GAL3ST4: variants seen among roughly 807,000 people sequenced by gnomAD.
The protein encoded by GAL3ST4 is galactose-3-O-sulfotransferase 4.
In GAL3ST4, 30 loss-of-function variants were observed where a neutral mutation model predicts 31.6. The ratio of observed to expected loss-of-function variants is 0.95; its 90% CI spans 0.71 to 1.29. The LOEUF (loss-of-function observed/expected upper bound fraction) is 1.29. Ranked by LOEUF, GAL3ST4 falls within the 50% of genes most tolerant of loss-of-function variation. The pLI, the probability that GAL3ST4 is intolerant of heterozygous loss-of-function variation, is 0.00. For missense variants in GAL3ST4, 629 were observed against 625.2 expected, an observed-to-expected ratio of 1.01 and a Z score of -0.06; for synonymous variants, 248 against 256.9, an observed-to-expected ratio of 0.97 and a Z score of 0.33.
chr7:100,160,358 C>A lies in GAL3ST4; in HGVS notation c.1031G>T (p.Ser344Ile). 1.2e-6 allele frequency: 2 copies of A among 1,614,108 alleles called. No individual in the cohort carries two copies. The highest frequency in any genetic ancestry group is 4.5e-5 in the East Asian group (2 of 44,886). ...GTCCTCCGCAGTCAGTCCACTGTTG[C>A]TGACAGTGCTGAGGCCCTGCTTATG... ...AGHKQGLSTV[S>I]NSGLTAEDRQ... The change falls in exon 4 of 4, where the codon AGC becomes ATC. Residue 344 changes from serine (S) to isoleucine (I), a missense_variant. Transcript: ENST00000360039.
rs982798022 is a variant in GAL3ST4 at position 100,167,307 on chromosome 7, G to A, written c.-188-24C>T. On this transcript the variant is annotated intron_variant, in intron 1 of 3. Coordinates refer to ENST00000360039, the MANE Select transcript of GAL3ST4 (RefSeq NM_024637.5). The stretch of plus-strand genomic sequence containing the variant: ...GTCTAGAAGGGAAATGAGGGGGGAA[G>A]AAGGGAAGTCTAAGGAGAGAGGCAG... 13 of 1,241,278 alleles carry A rather than the reference G, an allele frequency of 1.0e-5. No homozygotes were observed. The African/African-American group carries it at 1.2e-4, about 12-fold the overall frequency. 76.9% of individuals were successfully genotyped at this position (1,241,278 alleles called of 1,614,324 possible). A position where few individuals can be genotyped will look rare whatever the true frequency, so the allele number is the denominator to read the frequency against.
chr7:100,163,850 A>G (rs1443070862), intron 3 of GAL3ST4, among the ~76,000 whole-genome samples: 1 of 152,162 alleles, frequency 6.6e-6, no homozygotes, highest in African/African-American at 2.4e-5. Context: ...GTCTCTTTGA[A>G]GGCAGAGGGG....
chr7:100,167,227 TCA>T lies in GAL3ST4; in HGVS notation c.-134_-133del. The T allele has an allele frequency of 6.5e-7, 1 of 1,527,886 alleles. No homozygotes were observed. Among genetic ancestry groups the T allele is most frequent in the South Asian group, 1.2e-5 (1 of 80,580 alleles). The allele number at this position is 1,527,886 out of a possible 1,614,324, so 94.6% of individuals were successfully genotyped here. The stretch of plus-strand genomic sequence containing the variant: ...TCGGGGGGTCATTCCCCAGGCCTGC[TCA>T]CAGTCTTGGTTGAGTCTGCCCCCTG... On this transcript the variant is annotated 5_prime_UTR_variant, in exon 2 of 4. Transcript: ENST00000360039.
At chr7:100,165,821 A>T (rs564286113) in intron 3 of GAL3ST4, among the ~76,000 whole-genome samples, 47 of 139,506 alleles carry the variant, frequency 3.4e-4, no homozygotes, top group Non-Finnish European at 3.0e-4. Flanking sequence ...ACCCTGTCTC[A>T]CACACACACA....
Position 100,168,007 on chromosome 7 carries a change from C to CAG in GAL3ST4, c.-189+538_-189+539insCT, listed in dbSNP as rs1215763842. 1.5e-5 allele frequency: 2 copies of CAG among 135,784 alleles called. No individual in the cohort carries two copies. The highest frequency in any genetic ancestry group is 3.1e-5 in the Non-Finnish European group (2 of 64,224). 8.4% of individuals were successfully genotyped at this position (135,784 alleles called of 1,614,324 possible). A position where few individuals can be genotyped will look rare whatever the true frequency, so the allele number is the denominator to read the frequency against. Reference sequence around the variant, plus strand: ...AGAGGGAGACAGAAAGAGAGAGAGACACACACACACACACACACACACACA... The same window carrying CAG: ...AGAGGGAGACAGAAAGAGAGAGAGACAGACACACACACACACACACACACACA... On this transcript the variant is annotated intron_variant, in intron 1 of 3. Coordinates refer to ENST00000360039, the MANE Select transcript of GAL3ST4 (RefSeq NM_024637.5). The surrounding 1 kb of genome is among the most constrained non-coding windows in gnomAD (Gnocchi z 4.1).
rs1799089189 is a variant in GAL3ST4 at position 100,167,191 on chromosome 7, C to A, written c.-96G>T. On this transcript the variant is annotated 5_prime_UTR_variant, in exon 2 of 4. Coordinates refer to ENST00000360039, the MANE Select transcript of GAL3ST4 (RefSeq NM_024637.5). ...GACAGCCGTGCAGCTGCGGAAGGCA[C>A]TGGTTGGAGATCGGGGGGTCATTCC... 4 of 1,548,252 alleles carry A rather than the reference C, an allele frequency of 2.6e-6. No homozygotes were observed. The highest frequency in any genetic ancestry group is 3.5e-6 in the Non-Finnish European group (4 of 1,145,520).
At chr7:100,162,938 A>T (rs1420792137) in intron 3 of GAL3ST4, among the ~76,000 whole-genome samples, 1 of 152,162 alleles carries the variant, frequency 6.6e-6, no homozygotes, top group African/African-American at 2.4e-5. Flanking sequence ...GGAGGATAGG[A>T]AACTCCTGGA....
Position 100,166,448 on chromosome 7 carries a change from G to A in GAL3ST4, c.429+54C>T, listed in dbSNP as rs570328349. 850 of 1,539,424 alleles carry A rather than the reference G, an allele frequency of 5.5e-4. 4 individuals are homozygous for A. In the African/African-American group the frequency reaches 8.4e-3, roughly 15 times the overall value. On this transcript the variant is annotated intron_variant, in intron 3 of 3. Transcript: ENST00000360039. ...GGTCTGGGCCCCCTCCCTTGGTGGT[G>A]TCAGCCTGAGCCCATCTGTTTCTGG... is the stretch of plus-strand genomic sequence containing the variant.
At position 100,167,198 on chromosome 7, in the gene GAL3ST4, G is replaced by T; in HGVS notation, c.-103C>A. The T allele has an allele frequency of 6.5e-7, 1 of 1,546,732 alleles. No individual in the cohort carries two copies. Among genetic ancestry groups the T allele is most frequent in the South Asian group, 1.2e-5 (1 of 83,510 alleles). On this transcript the variant is annotated 5_prime_UTR_variant, in exon 2 of 4. Coordinates refer to ENST00000360039, the MANE Select transcript of GAL3ST4 (RefSeq NM_024637.5). ...GTGCAGCTGCGGAAGGCACTGGTTG[G>T]AGATCGGGGGGTCATTCCCCAGGCC... is the stretch of plus-strand genomic sequence containing the variant.
chr7:100,160,407 A>G lies in GAL3ST4; in HGVS notation c.982T>C (p.Phe328Leu). The part of the protein sequence containing the change: ...LCWGLDDVVG[F>L]MHNAQAGHKQ... ...TGTCCAGCCTGGGCATTGTGCATGA[A>G]GCCCACCACGTCATCTAGACCCCAG... The change falls in exon 4 of 4, where the codon TTC becomes CTC. Residue 328 changes from phenylalanine (F) to leucine (L), a missense_variant. Coordinates refer to ENST00000360039, the MANE Select transcript of GAL3ST4 (RefSeq NM_024637.5). 6.2e-7 allele frequency: 1 copy of G among 1,614,084 alleles called. No homozygotes were observed. The highest frequency in any genetic ancestry group is 8.5e-7 in the Non-Finnish European group (1 of 1,180,032).
chr7:100,164,907 C>T (rs1450244778), intron 3 of GAL3ST4, among the ~76,000 whole-genome samples: 2 of 147,604 alleles, frequency 1.4e-5, no homozygotes, highest in Non-Finnish European at 3.0e-5. Context: ...CAGAGTCTCA[C>T]TGTGTCACCC....
chr7:100,160,265 C>T lies in GAL3ST4; in HGVS notation c.1124G>A (p.Arg375His), dbSNP rs140660995. ...TTTCTCTATCCGTGCCCAGAGACTGCGGTTGAAGTGGACATAGAGAGCCCA... is the reference window on the plus strand; with the variant it reads ...TTTCTCTATCCGTGCCCAGAGACTGTGGTTGAAGTGGACATAGAGAGCCCA... ...LDWALYVHFN[R>H]SLWARIEKYG... Residue 375 changes from arginine (R) to histidine (H), a missense_variant, in exon 4 of 4, where the codon CGC (arginine) becomes CAC (histidine). Transcript: ENST00000360039. 21 of 1,613,844 alleles carry T rather than the reference C, an allele frequency of 1.3e-5. No individual in the cohort carries two copies. Among genetic ancestry groups the T allele is most frequent in the African/African-American group, 8.0e-5 (6 of 74,938 alleles).
intron 3 of GAL3ST4, among the ~76,000 whole-genome samples, chr7:100,161,313 A>C (rs1045864835): frequency 3.3e-4 from 50 of 151,834 alleles, no homozygotes; most frequent in African/African-American, 1.1e-3. Flanking sequence ...TATGTTGCCG[A>C]GGCCAGCCTG....
At chr7:100,161,020 T>C (rs1798996442) in intron 3 of GAL3ST4, 61 bp from the exon 4 acceptor site, 4 of 1,415,440 alleles carry the variant, frequency 2.8e-6, no homozygotes, top group Non-Finnish European at 3.8e-6. Flanking sequence ...TGCATAAGTA[T>C]GCACAAGCCA....
chr7:100,165,804 G>A (rs1799061674), intron 3 of GAL3ST4, among the ~76,000 whole-genome samples: 1 of 121,686 alleles, frequency 8.2e-6, no homozygotes, highest in South Asian at 2.8e-4. Context: ...CTGGATGACA[G>A]AATGAGACCC....
Position 100,167,193 on chromosome 7 carries a change from G to C in GAL3ST4, c.-98C>G. 6.5e-7 allele frequency: 1 copy of C among 1,547,960 alleles called. No homozygotes were observed. ...CAGCCGTGCAGCTGCGGAAGGCACT[G>C]GTTGGAGATCGGGGGGTCATTCCCC... On this transcript the variant is annotated 5_prime_UTR_variant, in exon 2 of 4. Transcript: ENST00000360039.
At position 100,168,437 on chromosome 7, in the gene GAL3ST4, G is replaced by A. The variant is rs1029054596; in HGVS notation, c.-189+109C>T. On this transcript the variant is annotated intron_variant, in intron 1 of 3. Coordinates refer to ENST00000360039, the MANE Select transcript of GAL3ST4 (RefSeq NM_024637.5). This position sits in a 1 kb window ranked among gnomAD's most constrained non-coding sequence, Gnocchi z 4.1. ...CCAGCCCTCTGTCCCCTCCAGCTTTGGTGACTGCCCAGTTGCCCCCGCTGG... is the reference window on the plus strand; with the variant it reads ...CCAGCCCTCTGTCCCCTCCAGCTTTAGTGACTGCCCAGTTGCCCCCGCTGG... The A allele has an allele frequency of 7.9e-5, 12 of 152,590 alleles. No homozygotes were observed. Among genetic ancestry groups the A allele is most frequent in the African/African-American group, 2.7e-4 (11 of 41,410 alleles). 9.5% of individuals were successfully genotyped at this position (152,590 alleles called of 1,614,324 possible). A position where few individuals can be genotyped will look rare whatever the true frequency, so the allele number is the denominator to read the frequency against.
rs774248208 is a variant in GAL3ST4 at position 100,160,143 on chromosome 7, G to A, written c.1246C>T (p.Pro416Ser). ...HCLVGGEASD[P>S]KYITDRRFRP... ...AACCGGCGATCAGTGATGTATTTGG[G>A]GTCAGAAGCCTCACCCCCTACCAGA... The change falls in exon 4 of 4, where the codon CCC becomes TCC. Residue 416 changes from proline to serine, a missense_variant. By Grantham distance (74) the Pro-to-Ser change is moderately conservative. Coordinates refer to ENST00000360039, the MANE Select transcript of GAL3ST4 (RefSeq NM_024637.5). 1 of 1,613,802 alleles carries A rather than the reference G, an allele frequency of 6.2e-7. No homozygotes were observed. Among genetic ancestry groups the A allele is most frequent in the East Asian group, 2.2e-5 (1 of 44,878 alleles).
chr7:100,159,888 A>G lies in GAL3ST4; in HGVS notation c.*40T>C. The G allele has an allele frequency of 6.6e-7, 1 of 1,523,776 alleles. No homozygotes were observed. Among genetic ancestry groups the G allele is most frequent in the Non-Finnish European group, 8.9e-7 (1 of 1,121,588 alleles). 94.4% of individuals were successfully genotyped at this position (1,523,776 alleles called of 1,614,324 possible). A position where few individuals can be genotyped will look rare whatever the true frequency, so the allele number is the denominator to read the frequency against. On this transcript the variant is annotated 3_prime_UTR_variant, in exon 4 of 4. Transcript: ENST00000360039. ...CCCCCACTCATCACATGTGCCCTTC[A>G]AACATGGCTGCTCTTCCACCTAAAT...
Sources: allele counts gnomAD v4.1 joint callset (sites outside exome capture counted in the v4.1 genomes callset), GRCh38; gene constraint gnomAD v4.1.1; non-coding constraint Gnocchi (gnomAD v3.1); transcripts MANE v1.5; gene names NCBI Gene and HGNC (gene_info 2026-07-23, HGNC 2026-07-21).